Variants in BDP1 observed in about 807,000 individuals in gnomAD.
BDP1 encodes the protein transcription factor TFIIIB component B'' homolog.
Under a neutral mutation model 266.6 loss-of-function variants are expected in BDP1, and 169 were observed. The observed-to-expected ratio is 0.63, with a 90% CI of 0.56 to 0.72. The LOEUF is 0.72. BDP1 is among the 30% of genes least tolerant of loss of function. The pLI, the probability that BDP1 is intolerant of heterozygous loss-of-function variation, is 0.00. For synonymous variants in BDP1, 1,090 were observed against 1,022.4 expected (o/e 1.07, Z -1.26); for missense variants, 3,015 against 3,053.8 (o/e 0.99, Z 0.30).
chr5:71,568,758 C>G (rs894108656), downstream of BDP1, among the ~76,000 whole-genome samples: 1 of 152,214 alleles, frequency 6.6e-6, no homozygotes, highest in African/African-American at 2.4e-5. Context: ...TAGCTGCTTG[C>G]TAATTCGTGC....
chr5:71,554,136 G>A (rs1743057529), intron 35 of BDP1, among the ~76,000 whole-genome samples: 1 of 152,192 alleles, frequency 6.6e-6, no homozygotes, highest in South Asian at 2.1e-4. Context: ...AGTAATAGTT[G>A]ACAAAGAGCA....
intron 22 of BDP1, among the ~76,000 whole-genome samples, chr5:71,520,554 T>A (rs939345595): frequency 5.3e-5 from 8 of 152,214 alleles, no homozygotes; most frequent in Middle Eastern, 3.2e-3. Context: ...TCCTAATTAC[T>A]AATTATGGGA....
chr5:71,523,989 G>A lies in BDP1; in HGVS notation c.5438G>A (p.Gly1813Glu), dbSNP rs987558690. Residue 1813 changes from glycine (G) to glutamate (E), a missense_variant, in exon 25 of 39, where the codon GGG (glycine) becomes GAG (glutamate). By Grantham distance (98) the Gly-to-Glu change is moderately conservative. Around this residue, in one of 3 missense-constraint regions of BDP1, gnomAD observed 2,383 missense variants for 2,404.9 expected, o/e 0.99. Transcript: ENST00000358731. ...ETSYSKIALD[G>E]KTTISSTSEY... ...AGTTACTCTAAAATTGCCCTGGATG[G>A]GAAAACAACTATCTCTTCTACATCT... is the stretch of plus-strand genomic sequence containing the variant. 6.2e-7 allele frequency: 1 copy of A among 1,614,122 alleles called. No individual in the cohort carries two copies. Among genetic ancestry groups the A allele is most frequent in the Non-Finnish European group, 8.5e-7 (1 of 1,180,014 alleles).
At chr5:71,512,005 T>C (rs945250249) in intron 17 of BDP1, among the ~76,000 whole-genome samples, 2 of 152,022 alleles carry the variant, frequency 1.3e-5, no homozygotes, top group Non-Finnish European at 2.9e-5. Flanking sequence ...TTTTTTTTTT[T>C]CTAACTTTTA....
In BDP1 at chr5:71,516,063, C is replaced by A. The variant is rs1393264391; in HGVS notation, c.4652C>A (p.Thr1551Asn). 2.5e-6 allele frequency: 4 copies of A among 1,599,962 alleles called. No homozygotes were observed. Among genetic ancestry groups the A allele is most frequent in the Non-Finnish European group, 3.4e-6 (4 of 1,172,524 alleles). Residue 1551 changes from threonine (T) to asparagine (N), a missense_variant and splice_region_variant, in exon 21 of 39, where the codon ACT becomes AAT. Transcript: ENST00000358731. Reference protein sequence around the residue: ...QKNDSVVSVGTNNVNTFQQEM... With the variant: ...QKNDSVVSVGNNNVNTFQQEM... ...TTTCTCCCTGTCCCCTTGTTTAGGA[C>A]TAATAATGTAAACACTTTCCAGCAA...
chr5:71,464,326 C>T (rs1761764108), intron 4 of BDP1, among the ~76,000 whole-genome samples: 1 of 151,848 alleles, frequency 6.6e-6, no homozygotes, highest in Non-Finnish European at 1.5e-5. Context: ...GACATTTTGT[C>T]TCTACAAAAA....
At chr5:71,491,758 C>T (rs917952633) in intron 11 of BDP1, among the ~76,000 whole-genome samples, 15 of 152,158 alleles carry the variant, frequency 9.9e-5, no homozygotes, top group African/African-American at 3.4e-4. Context: ...GTCTCTGTCA[C>T]GCAGGCTGGA....
intron 22 of BDP1, among the ~76,000 whole-genome samples, chr5:71,520,942 G>A (rs1434186969): frequency 6.6e-6 from 1 of 151,940 alleles, no homozygotes. Context: ...TAATCCCAGC[G>A]CTCTGGGAAA....
At chr5:71,570,385 C>T (rs1380989010), downstream of BDP1, among the ~76,000 whole-genome samples, 1 of 152,198 alleles carries the variant, frequency 6.6e-6, no homozygotes, top group Non-Finnish European at 1.5e-5. Flanking sequence ...CAGAGGCTCC[C>T]ATCTGCCCCC....
chr5:71,478,142 C>T (rs1049181229), intron 7 of BDP1, among the ~76,000 whole-genome samples: 7 of 151,968 alleles, frequency 4.6e-5, no homozygotes, highest in Admixed American at 4.6e-4. Context: ...CCCAGCTACT[C>T]GGGAGGCTGA....
At position 71,545,075 on chromosome 5, in the gene BDP1, C is replaced by T. The variant is rs766422753; in HGVS notation, c.6600C>T (p.His2200=). ...AAGAAGAGAGCTCTCAGGAGGTTCA[C>T]ATGTTGTCAGTTGCTCCAGTTGCTT... The part of the protein sequence containing the change: ...ENQEESSQEV[H]MLSVAPVASS... Residue 2200 remains histidine (H), a synonymous_variant, in exon 32 of 39, where the codon CAC becomes CAT. Transcript: ENST00000358731. The T allele has an allele frequency of 2.5e-6, 4 of 1,613,506 alleles. No individual in the cohort carries two copies. Among genetic ancestry groups the T allele is most frequent in the Non-Finnish European group, 3.4e-6 (4 of 1,179,816 alleles).
chr5:71,523,969 C>T lies in BDP1; in HGVS notation c.5418C>T (p.Tyr1806=). The T allele has an allele frequency of 1.2e-6, 2 of 1,613,796 alleles. No homozygotes were observed. The highest frequency in any genetic ancestry group is 2.2e-5 in the East Asian group (1 of 44,880). ...CACAACCGTTAAACGAAACAAGTTACTCTAAAATTGCCCTGGATGGGAAAA... is the reference window on the plus strand; with the variant it reads ...CACAACCGTTAAACGAAACAAGTTATTCTAAAATTGCCCTGGATGGGAAAA... ...SCPQPLNETS[Y]SKIALDGKTT... is the part of the protein sequence containing the mutation. The change falls in exon 25 of 39, where the codon TAC becomes TAT. Residue 1806 remains tyrosine (Y), a synonymous_variant. Coordinates refer to ENST00000358731, the MANE Select transcript of BDP1 (RefSeq NM_018429.3).
intron 36 of BDP1, among the ~76,000 whole-genome samples, chr5:71,559,153 CAAA>C (rs971722826): frequency 1.3e-5 from 2 of 151,802 alleles, no homozygotes; most frequent in Non-Finnish European, 2.9e-5. Context: ...GACTCTGTCT[CAAA>C]AAAACAAAAA....
chr5:71,499,248 C>T (rs550494669), intron 13 of BDP1, among the ~76,000 whole-genome samples: 43 of 152,240 alleles, frequency 2.8e-4, no homozygotes, highest in African/African-American at 5.5e-4. Flanking sequence ...TACAGGCGCG[C>T]GCCTCTATGC....
chr5:71,530,849 G>A (rs1766201650), intron 25 of BDP1, among the ~76,000 whole-genome samples: 1 of 152,160 alleles, frequency 6.6e-6, no homozygotes, highest in South Asian at 2.1e-4. Flanking sequence ...AAGCCAAGGT[G>A]GGCAGATCGC....
At position 71,458,836 on chromosome 5, in the gene BDP1, A is replaced by T. The variant is rs770143909; in HGVS notation, c.470A>T (p.Glu157Val). The T allele has an allele frequency of 1.2e-5, 20 of 1,611,272 alleles. No individual in the cohort carries two copies. The highest frequency in any genetic ancestry group is 1.3e-5 in the Non-Finnish European group (15 of 1,179,432). ...CAGAAACTGAGGGAAATGTTAAAAG[A>T]AGAATTGAGAAAAGAGAAGGTAAGG... ...KAQKLREMLK[E>V]ELRKEKKQWK... The change falls in exon 2 of 39, where the codon GAA becomes GTA. Residue 157 changes from glutamate (E) to valine (V), a missense_variant. Glu to Val is a moderately radical substitution (Grantham distance 121). Around this residue, in one of 3 missense-constraint regions of BDP1, gnomAD observed 2,383 missense variants for 2,404.9 expected, o/e 0.99. Coordinates refer to ENST00000358731, the MANE Select transcript of BDP1 (RefSeq NM_018429.3).
downstream of BDP1, among the ~76,000 whole-genome samples, chr5:71,568,429 A>G (rs551835476): frequency 2.0e-5 from 3 of 152,304 alleles, no homozygotes; most frequent in South Asian, 4.1e-4. Context: ...TTCTGTCTTC[A>G]TGGTGACCAG....
At chr5:71,508,201 G>A (rs1255589463) in intron 16 of BDP1, among the ~76,000 whole-genome samples, 1 of 152,172 alleles carries the variant, frequency 6.6e-6, no homozygotes, top group African/African-American at 2.4e-5. Context: ...TTGACCTTAA[G>A]TGATCCACCT....
intron 8 of BDP1, among the ~76,000 whole-genome samples, chr5:71,485,950 A>G (rs1465299319): frequency 6.6e-6 from 1 of 152,180 alleles, no homozygotes; most frequent in Non-Finnish European, 1.5e-5. Flanking sequence ...CAATAGAGGA[A>G]ATGTTTTCAT....
Sources: gnomAD v4.1 joint callset for allele counts (sites outside exome capture counted in the v4.1 genomes callset) on GRCh38, gnomAD v4.1.1 for gene constraint, gnomAD v4.1.1 regional missense constraint, MANE v1.5 for transcripts, NCBI Gene and HGNC (gene_info 2026-07-23, HGNC 2026-07-21) for gene names.